KCNN3: variants seen among roughly 807,000 people sequenced by gnomAD.
The protein encoded by KCNN3 is small conductance calcium-activated potassium channel protein 3.
Under a neutral mutation model 62.9 loss-of-function variants are expected in KCNN3, and 16 were observed. The observed-to-expected ratio is 0.25, with a 90% confidence interval of 0.17 to 0.39. KCNN3 has a LOEUF of 0.39. Ranked by LOEUF, KCNN3 falls within the 10% of genes least tolerant of loss-of-function variation. KCNN3 has a pLI of 1.00. For synonymous variants in KCNN3, 370 were observed against 389.2 expected (o/e 0.95, Z 0.58); for missense variants, 599 against 949.4 (o/e 0.63, Z 4.85).
At chr1:154,736,995 C>G (rs1452730343) in intron 3 of KCNN3, 2 of 701,086 alleles carry the variant, frequency 2.9e-6, no homozygotes, top group Non-Finnish European at 5.2e-6. Context: ...ACCCTGCTCT[C>G]CAGTGGCTTG....
chr1:154,869,317 G>T lies in KCNN3; in HGVS notation c.648C>A (p.Pro216=). The T allele has an allele frequency of 6.2e-7, 1 of 1,613,794 alleles. No homozygotes were observed. Among genetic ancestry groups the T allele is most frequent in the Non-Finnish European group, 8.5e-7 (1 of 1,179,698 alleles). The change falls in exon 1 of 8, where the codon CCC becomes CCA. Residue 216 remains proline (P), a synonymous_variant. Transcript: ENST00000271915. This position sits in a 1 kb window ranked among gnomAD's most constrained non-coding sequence, Gnocchi z 6.1. The part of the protein sequence containing the change: ...QPLQLFSPSN[P]PEIVISSRED... Reference sequence around the variant, plus strand: ...CCCGGGAGGAGATGACGATCTCCGGGGGGTTGCTAGGGCTGAAAAGCTGGA... The same window carrying T: ...CCCGGGAGGAGATGACGATCTCCGGTGGGTTGCTAGGGCTGAAAAGCTGGA...
At chr1:154,827,696 G>T (rs1651195847) in intron 1 of KCNN3, among the ~76,000 whole-genome samples, 1 of 152,050 alleles carries the variant, frequency 6.6e-6, no homozygotes. Flanking sequence ...CTTCTCAGGA[G>T]GCTGAGGCAG....
chr1:154,707,692 A>C lies in KCNN3; in HGVS notation c.*284T>G. On this transcript the variant is annotated 3_prime_UTR_variant, in exon 8 of 8. Transcript: ENST00000271915. Reference sequence around the variant, plus strand: ...CGTGAAGACCTGAGATTGAGCGTGGATTTCTGTTCTCCACCAACTCTGCAG... The same window carrying C: ...CGTGAAGACCTGAGATTGAGCGTGGCTTTCTGTTCTCCACCAACTCTGCAG... 2 of 348,472 alleles carry C rather than the reference A, an allele frequency of 5.7e-6. No individual in the cohort carries two copies. Among genetic ancestry groups the C allele is most frequent in the Non-Finnish European group, 1.0e-5 (2 of 191,220 alleles). The allele number at this position is 348,472 out of a possible 1,614,324, so 21.6% of individuals were successfully genotyped here.
intron 4 of KCNN3, among the ~76,000 whole-genome samples, chr1:154,727,603 G>C (rs1700498102): frequency 6.6e-6 from 1 of 152,208 alleles, no homozygotes; most frequent in African/African-American, 2.4e-5. Flanking sequence ...GTCACAAAGT[G>C]AAAAGAACCA....
chr1:154,719,054 A>G (rs1026282862), intron 5 of KCNN3, among the ~76,000 whole-genome samples: 6 of 152,082 alleles, frequency 3.9e-5, no homozygotes, highest in African/African-American at 1.4e-4. Flanking sequence ...ACTTGCTATT[A>G]CAGAGGGGCT....
chr1:154,727,928 C>T lies in KCNN3; in HGVS notation c.1591-1902G>A, dbSNP rs150967553. 2.4e-3 allele frequency among the ~76,000 whole-genome samples: 359 copies of T among 152,306 alleles called. 5 individuals are homozygous for T. The highest frequency in any genetic ancestry group is 8.0e-3 in the African/African-American group (332 of 41,548). ...GCCCAAAAAGAGGGCTATATCATAGCGTTAAAAATGGAACATCAGATGGAG... is the reference window on the plus strand; with the variant it reads ...GCCCAAAAAGAGGGCTATATCATAGTGTTAAAAATGGAACATCAGATGGAG... On this transcript the variant is annotated intron_variant, in intron 4 of 7. Transcript: ENST00000271915.
In KCNN3 at chr1:154,702,342, A is replaced by T. The variant is rs1248732019; in HGVS notation, c.*5634T>A. ...ATATATCAATATATTTCATATTTAAAATAAACTGTTATGCTTTCTCCTATC... is the reference window on the plus strand; with the variant it reads ...ATATATCAATATATTTCATATTTAATATAAACTGTTATGCTTTCTCCTATC... On this transcript the variant is annotated 3_prime_UTR_variant, in exon 8 of 8. Coordinates refer to ENST00000271915, the MANE Select transcript of KCNN3 (RefSeq NM_002249.6). 1 of 151,972 alleles carries T rather than the reference A, an allele frequency of 6.6e-6. No homozygotes were observed. Among genetic ancestry groups the T allele is most frequent in the African/African-American group, 2.4e-5 (1 of 41,374 alleles). 9.4% of individuals were successfully genotyped at this position (151,972 alleles called of 1,614,324 possible).
At chr1:154,775,145 CT>C (rs1395521055) in intron 2 of KCNN3, among the ~76,000 whole-genome samples, 1 of 152,208 alleles carries the variant, frequency 6.6e-6, no homozygotes, top group Non-Finnish European at 1.5e-5. Flanking sequence ...AAGGAAGCTT[CT>C]GCTCTGCTTC....
intron 2 of KCNN3, among the ~76,000 whole-genome samples, chr1:154,780,132 G>T (rs893077455): frequency 4.6e-5 from 7 of 151,332 alleles, no homozygotes; most frequent in Admixed American, 2.0e-4. Flanking sequence ...GACTTGCGAG[G>T]CCTCCCCACA....
chr1:154,739,993 C>G (rs972773093), intron 3 of KCNN3, among the ~76,000 whole-genome samples: 52 of 152,226 alleles, frequency 3.4e-4, no homozygotes, highest in African/African-American at 1.2e-3. Context: ...CACAGCAACC[C>G]TGAGATGGTA....
At chr1:154,726,952 T>A (rs1203468570) in intron 4 of KCNN3, among the ~76,000 whole-genome samples, 5 of 152,206 alleles carry the variant, frequency 3.3e-5, no homozygotes, top group Non-Finnish European at 5.9e-5. Context: ...TACTTGACTG[T>A]CTGGGAAATA....
At chr1:154,816,541 A>G (rs560929543) in intron 2 of KCNN3, among the ~76,000 whole-genome samples, 1 of 152,296 alleles carries the variant, frequency 6.6e-6, no homozygotes, top group East Asian at 1.9e-4. Context: ...TAAGGATGCC[A>G]GGCTCTGCTC....
rs2271117 is a variant in KCNN3 at position 154,772,124 on chromosome 1, C to T, written c.1299G>A (p.Ser433=). ...TGTTGAGGGCCCCGATGCTGCGGGA[C>T]GAGGCATCGGTGAAGAGCTTGCTGT... ...LLHSKLFTDA[S]SRSIGALNKI... The change falls in exon 3 of 8, where the codon TCG becomes TCA. Residue 433 remains serine (S), a synonymous_variant. Transcript: ENST00000271915. The surrounding 1 kb of genome is among the most constrained non-coding windows in gnomAD (Gnocchi z 5.6). 1.0e-4 allele frequency: 161 copies of T among 1,614,172 alleles called. No individual in the cohort carries two copies. The East Asian group carries it at 2.6e-3, about 26-fold the overall frequency.
chr1:154,812,567 T>C (rs1010251656), intron 2 of KCNN3, among the ~76,000 whole-genome samples: 3 of 152,206 alleles, frequency 2.0e-5, no homozygotes, highest in Non-Finnish European at 4.4e-5. Context: ...AATATTCTAT[T>C]AAGCTGAGCA....
At chr1:154,760,497 C>A (rs528670123) in intron 3 of KCNN3, among the ~76,000 whole-genome samples, 1 of 152,050 alleles carries the variant, frequency 6.6e-6, no homozygotes, top group Non-Finnish European at 1.5e-5. Flanking sequence ...GCCCTGAAGC[C>A]GCTCCGGCTG....
At chr1:154,813,208 C>CTTTT (rs57970335) in intron 2 of KCNN3, among the ~76,000 whole-genome samples, 1 of 88,328 alleles carries the variant, frequency 1.1e-5, no homozygotes, top group Non-Finnish European at 2.7e-5. Flanking sequence ...TGTTAGGCTG[C>CTTTT]TTTTTTTTTT....
In KCNN3 at chr1:154,756,027, C is replaced by T. The variant is rs907820085; in HGVS notation, c.1448+15948G>A. Among the ~76,000 whole-genome samples, 56 of 82,730 alleles carry T rather than the reference C, an allele frequency of 6.8e-4. 1 individual carries two copies. Among genetic ancestry groups the T allele is most frequent in the South Asian group, 8.6e-4 (2 of 2,326 alleles). The allele number at this position is 82,730 out of a possible 152,430, so 54.3% of individuals were successfully genotyped here. A position where few individuals can be genotyped will look rare whatever the true frequency, so the allele number is the denominator to read the frequency against. On this transcript the variant is annotated intron_variant, in intron 3 of 7. Coordinates refer to ENST00000271915, the MANE Select transcript of KCNN3 (RefSeq NM_002249.6). ...AAGCCAAAGGCAAAGAAGAAGAAGA[C>T]GATGATGAAAAGGAGGAGGAGGAGG...
At chr1:154,834,532 A>T (rs955838900) in intron 1 of KCNN3, among the ~76,000 whole-genome samples, 2 of 152,160 alleles carry the variant, frequency 1.3e-5, no homozygotes, top group Non-Finnish European at 2.9e-5. Context: ...AGCTCATTCC[A>T]CACTAATTGA....
chr1:154,735,007 C>G (rs1255308637), intron 3 of KCNN3, among the ~76,000 whole-genome samples: 7 of 152,150 alleles, frequency 4.6e-5, no homozygotes, highest in Admixed American at 2.0e-4. Flanking sequence ...CTTCAGAGAC[C>G]AGGGGTCAGA....
Sources: allele counts gnomAD v4.1 joint callset (sites outside exome capture counted in the v4.1 genomes callset), GRCh38; gene constraint gnomAD v4.1.1; non-coding constraint Gnocchi (gnomAD v3.1); transcripts MANE v1.5; gene names NCBI Gene and HGNC (gene_info 2026-07-23, HGNC 2026-07-21).